TRMT2B: variants seen among roughly 807,000 people sequenced by gnomAD.
TRMT2B encodes the protein tRNA (uracil-5-)-methyltransferase homolog B.
Under a neutral mutation model 39.7 loss-of-function variants are expected in TRMT2B, and 34 were observed. The observed-to-expected ratio is 0.86, with a 90% confidence interval of 0.65 to 1.14. The LOEUF is 1.14. Ranked by LOEUF, TRMT2B falls within the 50% of genes most tolerant of loss-of-function variation. The pLI is 0.00. For missense variants in TRMT2B, 318 were observed against 377.2 expected, an observed-to-expected ratio of 0.84 and a Z score of 1.30; for synonymous variants, 132 against 137.3, an observed-to-expected ratio of 0.96 and a Z score of 0.27.
At chrX:101,043,314 G>A (rs1283370586) in intron 2 of TRMT2B, among the ~76,000 whole-genome samples, 1 of 110,596 alleles carries the variant, frequency 9.0e-6, no homozygotes. Context: ...GCTCACGCCT[G>A]TAATCCCAAC....
At chrX:101,020,992 C>A in intron 10 of TRMT2B, 109 bp downstream of exon 10, 1 of 688,644 alleles carries the variant, frequency 1.5e-6, no homozygotes, top group Non-Finnish European at 2.2e-6. Context: ...TTTAGACCGA[C>A]AAGGTTATAC....
At chrX:101,024,284 T>C (rs922581488) in intron 7 of TRMT2B, among the ~76,000 whole-genome samples, 10 of 111,587 alleles carry the variant, frequency 9.0e-5, no homozygotes, top group African/African-American at 2.9e-4. Flanking sequence ...ACCAAATCAG[T>C]GGAGACTCTG....
At chrX:101,035,496 A>G (rs762441663) in intron 7 of TRMT2B, 117 bp downstream of exon 7, 21 of 630,547 alleles carry the variant, frequency 3.3e-5, no homozygotes, top group Admixed American at 9.3e-5. Flanking sequence ...CTTTCAGTAC[A>G]GAGCCCCTCC....
the TRMT2B span, among the ~76,000 whole-genome samples, chrX:100,998,554 C>CAA: frequency 1.4e-4 from 8 of 56,056 alleles, no homozygotes; most frequent in Non-Finnish European, 1.9e-4. Context: ...GATTCTGTCG[C>CAA]AAAAAAAAAA....
At chrX:100,993,152 T>C in the TRMT2B span, among the ~76,000 whole-genome samples, 1 of 112,082 alleles carries the variant, frequency 8.9e-6, no homozygotes, top group Admixed American at 9.5e-5. Flanking sequence ...CCTGTTGTTA[T>C]AAAAATGAGG....
At chrX:100,995,729 C>A in the TRMT2B span, among the ~76,000 whole-genome samples, 1 of 111,834 alleles carries the variant, frequency 8.9e-6, no homozygotes, top group Admixed American at 9.6e-5. Flanking sequence ...CTATTCAATA[C>A]AATGGAATGT....
chrX:101,041,423 T>C, intron 3 of TRMT2B, 52 bp from the exon 4 acceptor site: 1 of 1,069,506 alleles, frequency 9.4e-7, no homozygotes, highest in South Asian at 2.0e-5. Context: ...ATGTACTGAG[T>C]GCCTACTATG....
In TRMT2B at chrX:101,045,386, G is replaced by A. The variant is rs748425287; in HGVS notation, c.-23-3074C>T. Among the ~76,000 whole-genome samples the A allele has an allele frequency of 2.2e-3, 224 of 103,842 alleles. 1 individual carries two copies. The highest frequency in any genetic ancestry group is 3.6e-3 in the Non-Finnish European group (181 of 50,823). The allele number at this position is 103,842 out of a possible 115,157, so 90.2% of individuals were successfully genotyped here. ...GGAGAATCGCTTGAACTCAGGAGGCGGAGGTTGCGGTGAGCCGAGATCACA... is the reference window on the plus strand; with the variant it reads ...GGAGAATCGCTTGAACTCAGGAGGCAGAGGTTGCGGTGAGCCGAGATCACA... On this transcript the variant is annotated intron_variant, in intron 2 of 13. Coordinates refer to ENST00000372936, the MANE Select transcript of TRMT2B (RefSeq NM_024917.6).
the TRMT2B span, among the ~76,000 whole-genome samples, chrX:100,979,440 A>G: frequency 8.9e-6 from 1 of 112,038 alleles, no homozygotes; most frequent in Non-Finnish European, 1.9e-5. Flanking sequence ...ATATACTTTA[A>G]GTATATCATG....
chrX:100,976,408 C>T, the TRMT2B span, among the ~76,000 whole-genome samples: 3 of 110,529 alleles, frequency 2.7e-5, no homozygotes, highest in African/African-American at 9.9e-5. Flanking sequence ...CAGTGAATAC[C>T]TGGGGGATTA....
At chrX:100,995,966 A>T in the TRMT2B span, among the ~76,000 whole-genome samples, 3 of 104,334 alleles carry the variant, frequency 2.9e-5, no homozygotes, top group African/African-American at 1.0e-4. Flanking sequence ...CTTAATATAC[A>T]TTTTTTTTTT....
At chrX:100,983,303 T>C in the TRMT2B span, among the ~76,000 whole-genome samples, 2 of 110,881 alleles carry the variant, frequency 1.8e-5, no homozygotes, top group Non-Finnish European at 3.8e-5. Context: ...AAAAAAAATA[T>C]ATAAAGCTTT....
intron 13 of TRMT2B, among the ~76,000 whole-genome samples, chrX:101,016,020 A>G (rs1477388831): frequency 9.0e-6 from 1 of 111,625 alleles, no homozygotes; most frequent in African/African-American, 3.3e-5. Context: ...CAGTGAGCCA[A>G]GATCATGCCA....
At chrX:101,023,735 T>C (rs1158290853) in intron 7 of TRMT2B, 119 bp from the exon 8 acceptor site, 1 of 633,538 alleles carries the variant, frequency 1.6e-6, no homozygotes, top group Non-Finnish European at 2.3e-6. Context: ...GTTGAAGCCT[T>C]AACCACCAGT....
At chrX:100,973,490 G>A in the TRMT2B span, among the ~76,000 whole-genome samples, 4 of 110,111 alleles carry the variant, frequency 3.6e-5, no homozygotes, top group African/African-American at 6.6e-5. Flanking sequence ...CCATCCTCCC[G>A]GCGGTCGGGC....
At chrX:101,031,445 C>T (rs1374247473) in intron 7 of TRMT2B, among the ~76,000 whole-genome samples, 2 of 112,260 alleles carry the variant, frequency 1.8e-5, no homozygotes, top group African/African-American at 3.2e-5. Flanking sequence ...TGGTGGCTCA[C>T]GCCTGTAATG....
In TRMT2B at chrX:101,021,128, T is replaced by C. The variant is rs1337614023; in HGVS notation, c.1039A>G (p.Ile347Val). Residue 347 changes from isoleucine to valine, a missense_variant, in exon 10 of 14, where the codon ATC becomes GTC. Transcript: ENST00000372936. ...GELTGVNSDT[I>V]LLDICCGTGV... ...GTTCCACAGCAGATGTCAAGAAGGA[T>C]GGTGTCAGAGTTCACTCCAGTCAGC... The C allele has an allele frequency of 8.3e-7, 1 of 1,211,054 alleles. No homozygotes were observed. Among genetic ancestry groups the C allele is most frequent in the African/African-American group, 1.7e-5 (1 of 57,749 alleles).
chrX:100,988,228 G>C, the TRMT2B span: 1 of 1,207,142 alleles, frequency 8.3e-7, no homozygotes, highest in Non-Finnish European at 1.1e-6. Flanking sequence ...AAGGAGAAAA[G>C]ACAGCATCTA....
At chrX:100,987,618 C>T in the TRMT2B span, 28 of 1,148,300 alleles carry the variant, frequency 2.4e-5, no homozygotes, top group Middle Eastern at 2.7e-4. Context: ...GTCTTTCTCA[C>T]GAGCAAGGAG....
Sources: allele counts gnomAD v4.1 joint callset (sites outside exome capture counted in the v4.1 genomes callset), GRCh38; gene constraint gnomAD v4.1.1; transcripts MANE v1.5; gene names NCBI Gene and HGNC (gene_info 2026-07-23, HGNC 2026-07-21).